ZNF516: variants seen among roughly 807,000 people sequenced by gnomAD.
The protein encoded by ZNF516 is zinc finger protein 516.
In ZNF516, 19 loss-of-function variants were observed where a neutral mutation model predicts 79.7. That is an observed-to-expected ratio of 0.24 (90% CI 0.17 to 0.35). The LOEUF is 0.35. ZNF516 is among the 10% of genes least tolerant of loss of function. ZNF516 has a pLI of 1.00. For synonymous variants in ZNF516, 877 were observed against 739.5 expected, an observed-to-expected ratio of 1.19 and a Z score of -3.02; for missense variants, 1,678 against 1,679.5, an observed-to-expected ratio of 1.00 and a Z score of 0.02.
intron 4 of ZNF516, among the ~76,000 whole-genome samples, chr18:76,375,565 C>T (rs559550717): frequency 4.7e-5 from 7 of 149,568 alleles, no homozygotes; most frequent in Admixed American, 2.0e-4. Context: ...CACAAGGTCC[C>T]GGAGACCAGG....
intron 3 of ZNF516, among the ~76,000 whole-genome samples, chr18:76,423,741 TACAC>T (rs1021831541): frequency 3.3e-5 from 2 of 60,050 alleles, no homozygotes; most frequent in African/African-American, 1.4e-4. Flanking sequence ...TCCTGAAACA[TACAC>T]ACGCAGGTGA....
In ZNF516 at chr18:76,475,044, A is replaced by G. The variant is rs562871992; in HGVS notation, c.-271-11903T>C. On this transcript the variant is annotated intron_variant, in intron 1 of 6. Coordinates refer to ENST00000443185, the MANE Select transcript of ZNF516 (RefSeq NM_014643.4). ...ACACCTGAAATCTTTCACACATTTT[A>G]AGAAACAACTCATATATAGGCTACC... 1.4e-4 allele frequency among the ~76,000 whole-genome samples: 21 copies of G among 152,360 alleles called. No individual in the cohort carries two copies. In the South Asian group the frequency reaches 1.7e-3, roughly 12 times the overall value.
chr18:76,423,950 C>T (rs2075550962), intron 3 of ZNF516, among the ~76,000 whole-genome samples: 2 of 134,752 alleles, frequency 1.5e-5, no homozygotes, highest in Non-Finnish European at 3.1e-5. Flanking sequence ...AAAGGCTCCC[C>T]CGAAACACAC....
intron 2 of ZNF516, among the ~76,000 whole-genome samples, chr18:76,448,359 A>C (rs1568303304): frequency 1.3e-5 from 2 of 152,194 alleles, no homozygotes; most frequent in African/African-American, 2.4e-5. Context: ...ATTTCAACTA[A>C]TCAATCCCTT....
intron 1 of ZNF516, among the ~76,000 whole-genome samples, chr18:76,491,260 G>T (rs1390276923): frequency 1.3e-5 from 1 of 76,602 alleles, no homozygotes; most frequent in South Asian, 4.6e-4. Flanking sequence ...GTTCCGGACC[G>T]GACCCGCCCC....
At position 76,362,242 on chromosome 18, in the gene ZNF516, C is replaced by T. The variant is rs1027220562; in HGVS notation, c.*256G>A. On this transcript the variant is annotated 3_prime_UTR_variant, in exon 7 of 7. Coordinates refer to ENST00000443185, the MANE Select transcript of ZNF516 (RefSeq NM_014643.4). The stretch of plus-strand genomic sequence containing the variant: ...AATATGGGACTATGGACGATGAGCA[C>T]GTAAATGCGTATATAGTATCTACAT... 7 of 431,238 alleles carry T rather than the reference C, an allele frequency of 1.6e-5. No individual in the cohort carries two copies. The highest frequency in any genetic ancestry group is 2.5e-5 in the Non-Finnish European group (6 of 237,984). 26.7% of individuals were successfully genotyped at this position (431,238 alleles called of 1,614,324 possible). A position where few individuals can be genotyped will look rare whatever the true frequency, so the allele number is the denominator to read the frequency against.
At chr18:76,386,103 T>A (rs1404075608) in intron 3 of ZNF516, 1 of 152,210 alleles carries the variant, frequency 6.6e-6, no homozygotes, top group Non-Finnish European at 1.5e-5. Flanking sequence ...TTTCCACCCA[T>A]AACGGATACA....
intron 2 of ZNF516, among the ~76,000 whole-genome samples, chr18:76,455,013 C>G (rs1912633016): frequency 6.6e-6 from 1 of 152,162 alleles, no homozygotes; most frequent in Admixed American, 6.5e-5. Flanking sequence ...CAACCCCCGC[C>G]CCATCCCCTT....
At chr18:76,373,845 T>C (rs1020450359) in intron 4 of ZNF516, among the ~76,000 whole-genome samples, 2 of 152,264 alleles carry the variant, frequency 1.3e-5, no homozygotes, top group African/African-American at 4.8e-5. Context: ...GCCAATAATA[T>C]TATGCCCAAG....
chr18:76,373,431 C>T (rs969528285), intron 4 of ZNF516, among the ~76,000 whole-genome samples: 5 of 152,104 alleles, frequency 3.3e-5, no homozygotes, highest in Non-Finnish European at 4.4e-5. Flanking sequence ...GGAGCTCCTA[C>T]GAAATGAATT....
At chr18:76,488,418 G>C (rs182688135) in intron 1 of ZNF516, among the ~76,000 whole-genome samples, 2 of 151,858 alleles carry the variant, frequency 1.3e-5, no homozygotes, top group South Asian at 2.1e-4. Flanking sequence ...AAGTCAGAGC[G>C]GCACACGTCC....
rs528368123 is a variant in ZNF516 at position 76,407,948 on chromosome 18, C to T, written c.1811-27645G>A. ...CCCGGTCCACAGGCTGGCCCACTGC[C>T]GGCTTCCCACCACCTGGATGATGCC... On this transcript the variant is annotated intron_variant, in intron 3 of 6. Transcript: ENST00000443185. Among the ~76,000 whole-genome samples the T allele has an allele frequency of 1.9e-4, 29 of 152,338 alleles. No individual in the cohort carries two copies. The East Asian group carries it at 5.0e-3, about 26-fold the overall frequency.
intron 4 of ZNF516, among the ~76,000 whole-genome samples, chr18:76,375,615 T>C (rs1350690790): frequency 2.0e-5 from 2 of 101,060 alleles, no homozygotes; most frequent in Admixed American, 9.8e-5. Flanking sequence ...CCAGGTCTCC[T>C]GTCCTGGGAG....
At chr18:76,384,743 G>A (rs966423609) in intron 3 of ZNF516, among the ~76,000 whole-genome samples, 2 of 151,866 alleles carry the variant, frequency 1.3e-5, no homozygotes, top group African/African-American at 2.4e-5. Flanking sequence ...GCCTGGTTCC[G>A]TGGCTCCCAT....
At position 76,410,393 on chromosome 18, in the gene ZNF516, T is replaced by C. The variant is rs114011624; in HGVS notation, c.1811-30090A>G. 2.9e-3 allele frequency among the ~76,000 whole-genome samples: 442 copies of C among 152,326 alleles called. 3 individuals are homozygous for C. Among genetic ancestry groups the C allele is most frequent in the African/African-American group, 0.01 (423 of 41,580 alleles). On this transcript the variant is annotated intron_variant, in intron 3 of 6. Transcript: ENST00000443185. The stretch of plus-strand genomic sequence containing the variant: ...GCGGTTTTGACTGTGGCTTCTTCCT[T>C]TCAGCACAAAGAAAACAGCTCCTGA...
At chr18:76,455,716 C>A (rs1368948901) in intron 2 of ZNF516, among the ~76,000 whole-genome samples, 4 of 152,228 alleles carry the variant, frequency 2.6e-5, no homozygotes, top group Non-Finnish European at 1.5e-5. Flanking sequence ...TTACTCTCAA[C>A]AGGCACGTGA....
intron 3 of ZNF516, among the ~76,000 whole-genome samples, chr18:76,394,966 GGAT>G (rs1234019195): frequency 6.6e-6 from 1 of 152,078 alleles, no homozygotes; most frequent in Non-Finnish European, 1.5e-5. Context: ...TGGAAGAACC[GGAT>G]GATATCCCAG....
chr18:76,466,145 C>T (rs988016831), intron 1 of ZNF516, among the ~76,000 whole-genome samples: 9 of 152,146 alleles, frequency 5.9e-5, no homozygotes, highest in African/African-American at 2.2e-4. Flanking sequence ...CCATCACGTT[C>T]CCTTAGGAGT....
rs539436040 is a variant in ZNF516, at chr18:76,467,879, G to A, written c.-271-4738C>T. Reference sequence around the variant, plus strand: ...GGGCAGCTACATATAAGTAATAAACGAAGGACAGAAATGAGTGCTTCAACT... The same window carrying A: ...GGGCAGCTACATATAAGTAATAAACAAAGGACAGAAATGAGTGCTTCAACT... On this transcript the variant is annotated intron_variant, in intron 1 of 6. Coordinates refer to ENST00000443185, the MANE Select transcript of ZNF516 (RefSeq NM_014643.4). This position sits in a 1 kb window ranked among gnomAD's most constrained non-coding sequence, Gnocchi z 4.2. Among the ~76,000 whole-genome samples the A allele has an allele frequency of 9.2e-5, 14 of 152,336 alleles. No homozygotes were observed. Among genetic ancestry groups the A allele is most frequent in the African/African-American group, 3.1e-4 (13 of 41,576 alleles).
Sources: allele counts gnomAD v4.1 joint callset (sites outside exome capture counted in the v4.1 genomes callset), GRCh38; gene constraint gnomAD v4.1.1; non-coding constraint Gnocchi (gnomAD v3.1); transcripts MANE v1.5; gene names NCBI Gene and HGNC (gene_info 2026-07-23, HGNC 2026-07-21).